Variants in ELF2 observed in about 807,000 individuals in gnomAD.
ELF2 encodes the protein E74 like ETS transcription factor 2.
ELF2 carries 11 observed loss-of-function variants against 54.8 expected under a neutral mutation model. The observed-to-expected ratio is 0.20, with a 90% CI of 0.13 to 0.33. The LOEUF is 0.33. Ranked by LOEUF, ELF2 falls within the 10% of genes least tolerant of loss-of-function variation. The pLI is 1.00. For missense variants in ELF2, 513 were observed against 703.0 expected, an observed-to-expected ratio of 0.73 and a Z score of 3.06; for synonymous variants, 203 against 245.1, an observed-to-expected ratio of 0.83 and a Z score of 1.61.
rs1727193722 is a variant in ELF2, at chr4:139,057,281, C to A, written c.*1702G>T. The A allele has an allele frequency of 6.6e-6, 1 of 152,078 alleles. No individual in the cohort carries two copies. Among genetic ancestry groups the A allele is most frequent in the South Asian group, 2.1e-4 (1 of 4,830 alleles). 9.4% of individuals were successfully genotyped at this position (152,078 alleles called of 1,614,324 possible). On this transcript the variant is annotated 3_prime_UTR_variant, in exon 10 of 10. Transcript: ENST00000686138. ...TCTTTGAGCTTTTGTATAAAAGTAT[C>A]ATCAATATATTTATGGAAAAGTTTA...
intron 4 of ELF2, among the ~76,000 whole-genome samples, chr4:139,089,236 C>G (rs1732331220): frequency 6.6e-6 from 1 of 152,186 alleles, no homozygotes; most frequent in African/African-American, 2.4e-5. Context: ...CAATAACCAT[C>G]ATCTTACCAG....
At chr4:139,167,490 A>T (rs1741838560) in intron 1 of ELF2, among the ~76,000 whole-genome samples, 1 of 152,210 alleles carries the variant, frequency 6.6e-6, no homozygotes, top group Non-Finnish European at 1.5e-5. Flanking sequence ...TTTATAAACA[A>T]ATTTGTCTTA....
intron 3 of ELF2, among the ~76,000 whole-genome samples, chr4:139,135,012 T>C (rs981963573): frequency 3.3e-5 from 5 of 152,172 alleles, no homozygotes; most frequent in Middle Eastern, 3.4e-3. Context: ...TTTTCAGAAA[T>C]AGAATAATCC....
chr4:139,111,917 AAGG>A (rs1227989855), intron 4 of ELF2, among the ~76,000 whole-genome samples: 4 of 152,328 alleles, frequency 2.6e-5, no homozygotes, highest in South Asian at 2.1e-4. Flanking sequence ...ATGAGAAACC[AAGG>A]AGTTCAGACT....
chr4:139,175,657 T>A (rs559113707), intron 1 of ELF2, among the ~76,000 whole-genome samples: 3 of 152,228 alleles, frequency 2.0e-5, no homozygotes, highest in Non-Finnish European at 2.9e-5. Context: ...ATAATTTACT[T>A]CAGGATAGAG....
intron 1 of ELF2, among the ~76,000 whole-genome samples, chr4:139,170,751 A>G (rs1742227825): frequency 6.8e-6 from 1 of 146,468 alleles, no homozygotes; most frequent in East Asian, 2.0e-4. Context: ...ATTATATTAT[A>G]TTATATTTTT....
chr4:139,093,095 A>G (rs1279632348), intron 4 of ELF2, among the ~76,000 whole-genome samples: 1 of 150,960 alleles, frequency 6.6e-6, no homozygotes, highest in Non-Finnish European at 1.5e-5. Flanking sequence ...CCTTCTGAGT[A>G]GCTGGGACTA....
At chr4:139,106,159 T>C (rs1734381162) in intron 4 of ELF2, among the ~76,000 whole-genome samples, 1 of 152,146 alleles carries the variant, frequency 6.6e-6, no homozygotes, top group Non-Finnish European at 1.5e-5. Flanking sequence ...TAAAGAAATA[T>C]ATTAAATGTT....
intron 4 of ELF2, chr4:139,084,538 G>A (rs1578747902): frequency 1.8e-6 from 1 of 570,858 alleles, no homozygotes. Context: ...CCGGACGCTT[G>A]CTCCAGAGAG....
intron 3 of ELF2, among the ~76,000 whole-genome samples, chr4:139,132,121 T>C (rs1416039317): frequency 1.3e-5 from 2 of 152,234 alleles, no homozygotes; most frequent in African/African-American, 4.8e-5. Context: ...TCTGAGTTTA[T>C]TGTTTTTTAC....
intron 3 of ELF2, among the ~76,000 whole-genome samples, chr4:139,135,279 G>GTGTGTGTGTGTATA: frequency 7.3e-6 from 1 of 136,578 alleles, no homozygotes; most frequent in South Asian, 2.4e-4. Flanking sequence ...GTGTGTGTGT[G>GTGTGTGTGTGTATA]TATATATGAA....
chr4:139,084,604 C>T (rs961551861), intron 4 of ELF2: 1 of 180,344 alleles, frequency 5.5e-6, no homozygotes, highest in African/African-American at 2.4e-5. Context: ...CCGGGAGCCG[C>T]GCGAGGACAC....
intron 7 of ELF2, among the ~76,000 whole-genome samples, chr4:139,065,608 T>C (rs1326059887): frequency 6.6e-6 from 1 of 152,186 alleles, no homozygotes; most frequent in Non-Finnish European, 1.5e-5. Flanking sequence ...GAAAAAACAC[T>C]GGCTGGACTT....
Position 139,091,643 on chromosome 4 carries a change from C to T in ELF2, c.239-18076G>A, listed in dbSNP as rs2176498. Among the ~76,000 whole-genome samples the T allele has an allele frequency of 6.9e-3, 1,052 of 152,020 alleles. 4 individuals carry two copies. The highest frequency in any genetic ancestry group is 0.012 in the Non-Finnish European group (819 of 67,982). On this transcript the variant is annotated intron_variant, in intron 4 of 9. Transcript: ENST00000686138. ...GGACTCCAGGTGTGTACCATTGCAC[C>T]CGGCTATTTTTTATTTTTTTGTAGA...
chr4:139,089,541 C>T (rs772868558), intron 4 of ELF2, among the ~76,000 whole-genome samples: 7 of 152,092 alleles, frequency 4.6e-5, no homozygotes, highest in Non-Finnish European at 8.8e-5. Context: ...TATTTACATA[C>T]GTATGTGTTT....
chr4:139,113,630 G>C (rs1578830808), intron 4 of ELF2, among the ~76,000 whole-genome samples: 3 of 152,182 alleles, frequency 2.0e-5, no homozygotes, highest in Non-Finnish European at 4.4e-5. Context: ...AGGACAGATC[G>C]AGTCACTTGA....
In ELF2 at chr4:139,101,378, T is replaced by C. The variant is rs566497900; in HGVS notation, c.238+23786A>G. ...AGATCCAGGACAACTCCTTATTCTT[T>C]TGTTCTTCCTTTGATAAGCACAAGA... On this transcript the variant is annotated intron_variant, in intron 4 of 9. Transcript: ENST00000686138. Among the ~76,000 whole-genome samples, 21 of 152,322 alleles carry C rather than the reference T, an allele frequency of 1.4e-4. No individual in the cohort carries two copies. In the East Asian group the frequency reaches 4.0e-3, roughly 29 times the overall value.
At chr4:139,097,000 A>C (rs1733353217) in intron 4 of ELF2, among the ~76,000 whole-genome samples, 1 of 151,494 alleles carries the variant, frequency 6.6e-6, no homozygotes, top group African/African-American at 2.4e-5. Flanking sequence ...ATTGACTTTC[A>C]TCTTTATTTT....
At chr4:139,174,636 CT>C (rs1348086255) in intron 1 of ELF2, among the ~76,000 whole-genome samples, 5 of 151,992 alleles carry the variant, frequency 3.3e-5, no homozygotes, top group Non-Finnish European at 4.4e-5. Flanking sequence ...CATGTACAGA[CT>C]TTTTTCTGGT....
Sources: gnomAD v4.1 joint callset for allele counts (sites outside exome capture counted in the v4.1 genomes callset) on GRCh38, gnomAD v4.1.1 for gene constraint, MANE v1.5 for transcripts, NCBI Gene and HGNC (gene_info 2026-07-23, HGNC 2026-07-21) for gene names.